ST6GALNAC3: variants seen among roughly 807,000 people sequenced by gnomAD.
ST6GALNAC3 encodes ST6 N-acetylgalactosaminide alpha-2,6-sialyltransferase 3, also known as alpha-N-acetylgalactosaminide alpha-2,6-sialyltransferase 3.
In ST6GALNAC3, 25 loss-of-function variants were observed where a neutral mutation model predicts 32.7. The ratio of observed to expected loss-of-function variants is 0.76; its 90% CI spans 0.56 to 1.07. The LOEUF is 1.07. Among genes scored for constraint, ST6GALNAC3 ranks in the 50% least tolerant of loss-of-function variants. The probability of loss-of-function intolerance (pLI) is 0.00; values close to 1 mark genes in which losing one functional copy is unlikely to be tolerated. For missense variants in ST6GALNAC3, 355 were observed against 382.4 expected, an observed-to-expected ratio of 0.93 and a Z score of 0.60; for synonymous variants, 129 against 133.1, an observed-to-expected ratio of 0.97 and a Z score of 0.21.
intron 2 of ST6GALNAC3, among the ~76,000 whole-genome samples, chr1:76,349,874 G>A (rs968574825): frequency 6.6e-6 from 1 of 152,100 alleles, no homozygotes; most frequent in Non-Finnish European, 1.5e-5. Flanking sequence ...TCTCTTGTCT[G>A]TCCAGCAAGA....
intron 1 of ST6GALNAC3, among the ~76,000 whole-genome samples, chr1:76,185,434 C>T (rs1653489969): frequency 6.6e-6 from 1 of 152,138 alleles, no homozygotes; most frequent in Non-Finnish European, 1.5e-5. Flanking sequence ...GTTCTTAAAA[C>T]AGTGCCTGGA....
chr1:76,328,860 C>T (rs1226823916), intron 2 of ST6GALNAC3, among the ~76,000 whole-genome samples: 1 of 152,138 alleles, frequency 6.6e-6, no homozygotes, highest in Admixed American at 6.6e-5. Flanking sequence ...TTCAAAGAAG[C>T]AGATTTGCCT....
At chr1:76,536,986 A>G (rs1362253202) in intron 3 of ST6GALNAC3, among the ~76,000 whole-genome samples, 1 of 152,218 alleles carries the variant, frequency 6.6e-6, no homozygotes, top group Non-Finnish European at 1.5e-5. Context: ...GATCAAGTGG[A>G]CCCAATAGGT....
Position 76,192,491 on chromosome 1 carries a change from C to A in ST6GALNAC3, c.18+117607C>A, listed in dbSNP as rs564257426. ...GAAGGAGAAGGTAAAGAGAGGCACG[C>A]TTCAATATTTTATTATCTCAACCCA... is the stretch of plus-strand genomic sequence containing the variant. On this transcript the variant is annotated intron_variant, in intron 1 of 4. Transcript: ENST00000328299. Among the ~76,000 whole-genome samples, 69 of 152,260 alleles carry A rather than the reference C, an allele frequency of 4.5e-4. 2 individuals are homozygous for A. Among genetic ancestry groups the A allele is most frequent in the African/African-American group, 1.4e-3 (58 of 41,532 alleles).
chr1:76,167,359 G>T (rs1337265187), intron 1 of ST6GALNAC3, among the ~76,000 whole-genome samples: 4 of 152,208 alleles, frequency 2.6e-5, no homozygotes, highest in African/African-American at 9.7e-5. Flanking sequence ...CTATTTGATT[G>T]TGGTAGATAA....
intron 3 of ST6GALNAC3, among the ~76,000 whole-genome samples, chr1:76,426,536 GTTT>G (rs561408216): frequency 6.7e-6 from 1 of 148,968 alleles, no homozygotes; most frequent in African/African-American, 2.5e-5. Flanking sequence ...GCCTGCAGCT[GTTT>G]TACAGATATA....
At chr1:76,371,709 G>A (rs6664863) in intron 2 of ST6GALNAC3, among the ~76,000 whole-genome samples, 106,213 of 151,994 alleles carry the variant, frequency 0.7, 38,724 homozygotes, top group Non-Finnish European at 0.81. Flanking sequence ...TATGCTTCCT[G>A]TTCTGGTTTC....
At chr1:76,307,012 T>C (rs1175608119) in intron 1 of ST6GALNAC3, among the ~76,000 whole-genome samples, 1 of 152,030 alleles carries the variant, frequency 6.6e-6, no homozygotes, top group African/African-American at 2.4e-5. Context: ...ATTCAGTATA[T>C]CTCCCTTTAT....
chr1:76,273,404 A>G (rs947321859), intron 1 of ST6GALNAC3, among the ~76,000 whole-genome samples: 1 of 152,216 alleles, frequency 6.6e-6, no homozygotes, highest in African/African-American at 2.4e-5. Context: ...TAAAAAGTTA[A>G]CAACCTTAAT....
chr1:76,617,753 G>A (rs1041383181), intron 3 of ST6GALNAC3, among the ~76,000 whole-genome samples: 3 of 152,164 alleles, frequency 2.0e-5, no homozygotes, highest in Admixed American at 6.6e-5. Context: ...ATCTTTGATT[G>A]CAAGGAACAG....
rs1661722064 is a variant in ST6GALNAC3 at position 76,509,775 on chromosome 1, C to CT, written c.623+97360dup. 6.6e-6 allele frequency among the ~76,000 whole-genome samples: 1 copy of CT among 152,142 alleles called. No homozygotes were observed. The highest frequency in any genetic ancestry group is 6.5e-5 in the Admixed American group (1 of 15,272). ...CACGGCCCCACTCCACCAATTTCTG[C>CT]TTCCATTCTCACATATCTTTTCCTC... is the stretch of plus-strand genomic sequence containing the variant. On this transcript the variant is annotated intron_variant, in intron 3 of 4. Coordinates refer to ENST00000328299, the MANE Select transcript of ST6GALNAC3 (RefSeq NM_152996.4). This position sits in a 1 kb window ranked among gnomAD's most constrained non-coding sequence, Gnocchi z 5.5.
At chr1:76,328,483 G>C (rs1286687137) in intron 2 of ST6GALNAC3, among the ~76,000 whole-genome samples, 1 of 152,098 alleles carries the variant, frequency 6.6e-6, no homozygotes, top group Non-Finnish European at 1.5e-5. Context: ...CTGATGAATT[G>C]ACCTCATATT....
chr1:76,269,600 G>A (rs1658722740), intron 1 of ST6GALNAC3, among the ~76,000 whole-genome samples: 1 of 152,202 alleles, frequency 6.6e-6, no homozygotes, highest in South Asian at 2.1e-4. Flanking sequence ...TGCACCACCG[G>A]TTTGCACAAC....
chr1:76,465,215 C>A (rs1345819477), intron 3 of ST6GALNAC3, among the ~76,000 whole-genome samples: 1 of 152,114 alleles, frequency 6.6e-6, no homozygotes, highest in Non-Finnish European at 1.5e-5. Flanking sequence ...GCTGCATGGC[C>A]CAATTAACCT....
chr1:76,548,477 A>G (rs1280458426), intron 3 of ST6GALNAC3, among the ~76,000 whole-genome samples: 1 of 152,038 alleles, frequency 6.6e-6, no homozygotes, highest in East Asian at 1.9e-4. Flanking sequence ...TATTATTTCA[A>G]TATATATGCT....
intron 3 of ST6GALNAC3, among the ~76,000 whole-genome samples, chr1:76,549,373 T>G (rs1664486562): frequency 6.6e-6 from 1 of 152,084 alleles, no homozygotes; most frequent in Non-Finnish European, 1.5e-5. Context: ...ACTATGACTA[T>G]ATATGTACAT....
intron 3 of ST6GALNAC3, among the ~76,000 whole-genome samples, chr1:76,439,468 G>A (rs2101494488): frequency 6.6e-6 from 1 of 152,326 alleles, no homozygotes; most frequent in East Asian, 1.9e-4. Context: ...GAGTGTATAA[G>A]GCCTTTGGTT....
intron 1 of ST6GALNAC3, among the ~76,000 whole-genome samples, chr1:76,219,552 C>A (rs191242375): frequency 6.6e-6 from 1 of 152,244 alleles, no homozygotes; most frequent in African/African-American, 2.4e-5. Context: ...GGCCAGCTTC[C>A]CCTGGGCACA....
intron 1 of ST6GALNAC3, among the ~76,000 whole-genome samples, chr1:76,156,153 G>T (rs189566540): frequency 6.6e-6 from 1 of 152,102 alleles, no homozygotes; most frequent in African/African-American, 2.4e-5. Context: ...AGAGGAAGAA[G>T]GCAGAGAGAA....
Sources: gnomAD v4.1 joint callset for allele counts (sites outside exome capture counted in the v4.1 genomes callset) on GRCh38, gnomAD v4.1.1 for gene constraint, Gnocchi (gnomAD v3.1) non-coding constraint, MANE v1.5 for transcripts, NCBI Gene and HGNC (gene_info 2026-07-23, HGNC 2026-07-21) for gene names.